The following RALGPS2 variants were observed in gnomAD, a reference collection of about 807,000 sequenced individuals.
RALGPS2 encodes the protein Ral GEF with PH domain and SH3 binding motif 2, also known as ras-specific guanine nucleotide-releasing factor RalGPS2.
RALGPS2 carries 43 observed loss-of-function variants against 86.8 expected under a neutral mutation model. The ratio of observed to expected loss-of-function variants is 0.50; its 90% confidence interval spans 0.39 to 0.64. RALGPS2 has a LOEUF of 0.64. Ranked by LOEUF, RALGPS2 falls within the 30% of genes least tolerant of loss-of-function variation. The pLI is 0.00. For missense variants in RALGPS2, 536 were observed against 694.6 expected (o/e 0.77, Z 2.57); for synonymous variants, 243 against 231.3 (o/e 1.05, Z -0.46).
intron 6 of RALGPS2, 54 bp from the exon 7 acceptor site, chr1:178,821,558 G>A: frequency 1.5e-6 from 2 of 1,357,224 alleles, no homozygotes; most frequent in Non-Finnish European, 2.1e-6. Context: ...AAATTTTCTT[G>A]TATTCATGTT....
chr1:178,746,990 G>A (rs780955358), intron 1 of RALGPS2: 3 of 944,014 alleles, frequency 3.2e-6, no homozygotes, highest in Non-Finnish European at 5.3e-6. Context: ...CATCGTTTCT[G>A]TATACTAGAA....
chr1:178,760,386 A>G (rs1488614096), intron 1 of RALGPS2, among the ~76,000 whole-genome samples: 2 of 152,190 alleles, frequency 1.3e-5, no homozygotes, highest in Non-Finnish European at 2.9e-5. Flanking sequence ...GTGTGTATAT[A>G]TTTAGGATAG....
chr1:178,903,059 C>A (rs1660243459), intron 18 of RALGPS2, among the ~76,000 whole-genome samples: 1 of 152,016 alleles, frequency 6.6e-6, no homozygotes, highest in African/African-American at 2.4e-5. Flanking sequence ...AGAAAATATC[C>A]CCAAGTGGTT....
At chr1:178,861,777 G>A (rs1658030572) in intron 8 of RALGPS2, among the ~76,000 whole-genome samples, 1 of 152,048 alleles carries the variant, frequency 6.6e-6, no homozygotes, top group Non-Finnish European at 1.5e-5. Context: ...GATATCAAAA[G>A]CAATTTTTTT....
At chr1:178,853,653 C>A in intron 8 of RALGPS2, 1 of 1,611,610 alleles carries the variant, frequency 6.2e-7, no homozygotes, top group Non-Finnish European at 8.5e-7. Context: ...TTCTGAATAA[C>A]AGTCCAACCC....
At chr1:178,831,561 A>G (rs976359162) in intron 7 of RALGPS2, among the ~76,000 whole-genome samples, 4 of 151,780 alleles carry the variant, frequency 2.6e-5, no homozygotes, top group Admixed American at 6.6e-5. Context: ...GCTTGCCCCC[A>G]TTTGTCATGC....
At position 178,921,310 on chromosome 1, in the gene RALGPS2, T is replaced by C. The variant is rs2102435283; in HGVS notation, c.*4951T>C. ...AGAAAAGCAGAAACTTCATAAATAA[T>C]AGCTGTGCTTTAGATACCAGATAAC... On this transcript the variant is annotated 3_prime_UTR_variant, in exon 20 of 20. Transcript: ENST00000367635. 1 of 152,146 alleles carries C rather than the reference T, an allele frequency of 6.6e-6. No individual in the cohort carries two copies. Among genetic ancestry groups the C allele is most frequent in the South Asian group, 2.1e-4 (1 of 4,834 alleles). The allele number at this position is 152,146 out of a possible 1,614,324, so 9.4% of individuals were successfully genotyped here.
At chr1:178,874,053 C>T (rs1164129474) in intron 8 of RALGPS2, among the ~76,000 whole-genome samples, 1 of 151,966 alleles carries the variant, frequency 6.6e-6, no homozygotes, top group Non-Finnish European at 1.5e-5. Context: ...TTAATCCACA[C>T]ATACAATAAA....
chr1:178,837,981 A>G (rs546794586), intron 8 of RALGPS2, among the ~76,000 whole-genome samples: 1 of 152,314 alleles, frequency 6.6e-6, no homozygotes, highest in East Asian at 1.9e-4. Context: ...AGGCTGGGGA[A>G]GGGGCATCCG....
intron 1 of RALGPS2, among the ~76,000 whole-genome samples, chr1:178,743,865 C>T (rs1031278461): frequency 6.6e-6 from 1 of 151,922 alleles, no homozygotes; most frequent in Admixed American, 6.5e-5. Flanking sequence ...AATATTTCCA[C>T]ACCAAAAAAA....
chr1:178,904,131 G>T (rs1240459778), intron 18 of RALGPS2, among the ~76,000 whole-genome samples: 2 of 151,744 alleles, frequency 1.3e-5, no homozygotes, highest in African/African-American at 4.8e-5. Context: ...TCATTTGTTT[G>T]TTGGCCATTT....
chr1:178,826,742 G>A (rs1655762360), intron 7 of RALGPS2, among the ~76,000 whole-genome samples: 1 of 152,116 alleles, frequency 6.6e-6, no homozygotes, highest in Non-Finnish European at 1.5e-5. Flanking sequence ...GAATATATGA[G>A]CAATACAAAA....
Position 178,885,134 on chromosome 1 carries a change from C to T in RALGPS2, c.963C>T (p.Ala321=), listed in dbSNP as rs756490734. ...GAAAAAGTGTGGCAGCTGAAGGAGCCTTGCTCCCACAGACACCGCCATCCC... is the reference window on the plus strand; with the variant it reads ...GAAAAAGTGTGGCAGCTGAAGGAGCTTTGCTCCCACAGACACCGCCATCCC... ...SGRKSVAAEG[A]LLPQTPPSPR... is the part of the protein sequence containing the mutation. The change falls in exon 12 of 20, where the codon GCC becomes GCT. Residue 321 remains alanine (A), a synonymous_variant. Coordinates refer to ENST00000367635, the MANE Select transcript of RALGPS2 (RefSeq NM_152663.5). 1 of 1,613,144 alleles carries T rather than the reference C, an allele frequency of 6.2e-7. No homozygotes were observed. Among genetic ancestry groups the T allele is most frequent in the African/African-American group, 1.3e-5 (1 of 74,900 alleles).
intron 4 of RALGPS2, among the ~76,000 whole-genome samples, chr1:178,804,333 T>C (rs1369629047): frequency 3.9e-4 from 58 of 148,038 alleles, no homozygotes; most frequent in African/African-American, 1.4e-3. Context: ...TTGTGCAGGT[T>C]AGTTACATAT....
At chr1:178,781,822 A>G (rs1185294129) in intron 2 of RALGPS2, among the ~76,000 whole-genome samples, 2 of 152,198 alleles carry the variant, frequency 1.3e-5, no homozygotes, top group Non-Finnish European at 2.9e-5. Context: ...ATTATGAAAA[A>G]AATGTTTTAT....
chr1:178,767,358 C>CTTTTTTTTTTTT (rs1159630163), intron 1 of RALGPS2, among the ~76,000 whole-genome samples: 10 of 70,430 alleles, frequency 1.4e-4, no homozygotes, highest in Non-Finnish European at 2.0e-4. Flanking sequence ...TGTCCTTTGG[C>CTTTTTTTTTTTT]TTTTTTTTTT....
At chr1:178,778,870 A>G (rs1201468636) in intron 2 of RALGPS2, among the ~76,000 whole-genome samples, 1 of 152,230 alleles carries the variant, frequency 6.6e-6, no homozygotes, top group Non-Finnish European at 1.5e-5. Flanking sequence ...TTTAACTTTT[A>G]TTTTAGTGAT....
chr1:178,824,291 G>A (rs1655643804), intron 7 of RALGPS2, among the ~76,000 whole-genome samples: 2 of 152,060 alleles, frequency 1.3e-5, no homozygotes, highest in Non-Finnish European at 2.9e-5. Context: ...GCTGCAGTGT[G>A]GTTTGCAGAG....
intron 1 of RALGPS2, 25 bp downstream of exon 1, chr1:178,725,444 G>C (rs957214826): frequency 6.8e-6 from 1 of 147,642 alleles, no homozygotes; most frequent in Admixed American, 6.7e-5. Context: ...GCCGCGGGGC[G>C]GTGCGGGGGA....
Sources: allele counts gnomAD v4.1 joint callset (sites outside exome capture counted in the v4.1 genomes callset), GRCh38; gene constraint gnomAD v4.1.1; transcripts MANE v1.5; gene names NCBI Gene and HGNC (gene_info 2026-07-23, HGNC 2026-07-21).